RPS6KC1: variants seen among roughly 807,000 people sequenced by gnomAD.
The protein encoded by RPS6KC1 is inactive ribosomal protein S6 kinase delta-1.
RPS6KC1 carries 54 observed loss-of-function variants against 103.8 expected under a neutral mutation model. The ratio of observed to expected loss-of-function variants is 0.52; its 90% CI spans 0.42 to 0.65. RPS6KC1 has a LOEUF of 0.65. Ranked by LOEUF, RPS6KC1 falls within the 30% of genes least tolerant of loss-of-function variation. RPS6KC1 has a pLI of 0.00. For synonymous variants in RPS6KC1, 439 were observed against 438.7 expected (o/e 1.00, Z -0.01); for missense variants, 1,151 against 1,253.8 (o/e 0.92, Z 1.24).
Position 213,240,900 on chromosome 1 carries a change from G to C in RPS6KC1, c.1424G>C (p.Ser475Thr), listed in dbSNP as rs183778510. 1.4e-4 allele frequency: 219 copies of C among 1,613,874 alleles called. No homozygotes were observed. Among genetic ancestry groups the C allele is most frequent in the Non-Finnish European group, 1.6e-4 (186 of 1,179,874 alleles). ...CTTAAAGCTCTGCCTTTGAAGAGTA[G>C]TCTTACTCCAAGTTCTCAAGATGAC... ...SMLKALPLKS[S>T]LTPSSQDDSN... Residue 475 changes from serine to threonine, a missense_variant, in exon 11 of 15, where the codon AGT becomes ACT. By Grantham distance (58) the Ser-to-Thr change is moderately conservative. Around this residue, in one of 3 missense-constraint regions of RPS6KC1, gnomAD observed 959 missense variants for 1,006.3 expected, o/e 0.95. Coordinates refer to ENST00000366960, the MANE Select transcript of RPS6KC1 (RefSeq NM_012424.6).
At chr1:213,834,947 G>A in the RPS6KC1 span, among the ~76,000 whole-genome samples, 6 of 152,140 alleles carry the variant, frequency 3.9e-5, no homozygotes, top group East Asian at 9.6e-4. Flanking sequence ...GTATGTGCTG[G>A]GAGGTGGGGG....
Position 213,220,227 on chromosome 1 carries a change from C to A in RPS6KC1, c.1045-10270C>A, listed in dbSNP as rs377022772. On this transcript the variant is annotated intron_variant, in intron 8 of 14. Transcript: ENST00000366960. ...TATGGTACATTAATGTTTAATAATG[C>A]CCTATCTTTAAATTAGTTTATAACT... 8.6e-5 allele frequency among the ~76,000 whole-genome samples: 13 copies of A among 152,038 alleles called. No individual in the cohort carries two copies. The East Asian group carries it at 1.9e-3, about 23-fold the overall frequency.
chr1:213,225,509 C>T (rs2093939326), intron 8 of RPS6KC1, among the ~76,000 whole-genome samples: 1 of 152,136 alleles, frequency 6.6e-6, no homozygotes, highest in Non-Finnish European at 1.5e-5. Flanking sequence ...ATGCCTCACC[C>T]TCCCGAGTAG....
At chr1:213,174,741 T>C (rs1384938758) in intron 7 of RPS6KC1, among the ~76,000 whole-genome samples, 1 of 151,402 alleles carries the variant, frequency 6.6e-6, no homozygotes, top group Non-Finnish European at 1.5e-5. Context: ...CACTAAAATA[T>C]CTTGCTAAAT....
chr1:213,108,941 C>A, intron 4 of RPS6KC1, among the ~76,000 whole-genome samples: 1 of 151,422 alleles, frequency 6.6e-6, no homozygotes, highest in Non-Finnish European at 1.5e-5. Context: ...TGAGTCACCA[C>A]ACCTGGCTGA....
At chr1:213,208,182 T>C (rs2093408908) in intron 8 of RPS6KC1, among the ~76,000 whole-genome samples, 1 of 152,226 alleles carries the variant, frequency 6.6e-6, no homozygotes, top group Non-Finnish European at 1.5e-5. Flanking sequence ...ACACCTCAAA[T>C]AATCCATCAG....
At chr1:213,795,304 G>C in the RPS6KC1 span, among the ~76,000 whole-genome samples, 1 of 152,166 alleles carries the variant, frequency 6.6e-6, no homozygotes, top group Non-Finnish European at 1.5e-5. Context: ...TAGGGCTGTG[G>C]AATTCTTCTG....
chr1:213,624,769 G>C, the RPS6KC1 span, among the ~76,000 whole-genome samples: 2 of 152,080 alleles, frequency 1.3e-5, no homozygotes, highest in African/African-American at 4.8e-5. Flanking sequence ...GGTGGAAGGG[G>C]CGAAGGAGCT....
the RPS6KC1 span, among the ~76,000 whole-genome samples, chr1:213,786,742 A>G: frequency 6.6e-6 from 1 of 152,200 alleles, no homozygotes; most frequent in East Asian, 1.9e-4. Context: ...GCGGGATTTT[A>G]GGAAAGAATA....
intron 6 of RPS6KC1, among the ~76,000 whole-genome samples, chr1:213,155,749 T>C (rs2089815551): frequency 6.6e-6 from 1 of 152,188 alleles, no homozygotes; most frequent in African/African-American, 2.4e-5. Flanking sequence ...TTTTTGGTTC[T>C]TATGAAGGTG....
the RPS6KC1 span, among the ~76,000 whole-genome samples, chr1:213,836,274 C>T: frequency 6.6e-6 from 1 of 151,768 alleles, no homozygotes. Flanking sequence ...TGTCAATTCT[C>T]CCCAAATTAT....
chr1:213,808,570 AG>A, the RPS6KC1 span, among the ~76,000 whole-genome samples: 4 of 152,262 alleles, frequency 2.6e-5, no homozygotes, highest in Non-Finnish European at 4.4e-5. Context: ...CCGTGGGCGT[AG>A]GACCCTCCGA....
At chr1:213,484,415 G>C in the RPS6KC1 span, among the ~76,000 whole-genome samples, 1 of 152,298 alleles carries the variant, frequency 6.6e-6, no homozygotes, top group Non-Finnish European at 1.5e-5. Flanking sequence ...CTGTGTCCAG[G>C]CTCGTTTATG....
At chr1:213,388,038 G>C in the RPS6KC1 span, among the ~76,000 whole-genome samples, 1 of 152,242 alleles carries the variant, frequency 6.6e-6, no homozygotes, top group African/African-American at 2.4e-5. Flanking sequence ...TTTAATCTCA[G>C]GCTGAGTTGT....
chr1:213,525,338 A>G, the RPS6KC1 span, among the ~76,000 whole-genome samples: 1 of 152,204 alleles, frequency 6.6e-6, no homozygotes, highest in African/African-American at 2.4e-5. Flanking sequence ...AGGCTTAGCA[A>G]TCAGAAGGAT....
chr1:213,207,444 T>C (rs573728456), intron 8 of RPS6KC1, among the ~76,000 whole-genome samples: 1 of 152,330 alleles, frequency 6.6e-6, no homozygotes, highest in South Asian at 2.1e-4. Context: ...GGCTGCTACC[T>C]GAGAGATTTC....
chr1:213,569,039 C>T, the RPS6KC1 span, among the ~76,000 whole-genome samples: 1 of 152,188 alleles, frequency 6.6e-6, no homozygotes, highest in Non-Finnish European at 1.5e-5. Context: ...ACTCCCTTCC[C>T]CCCTCCCCAG....
At chr1:213,238,130 C>T (rs1188453035) in intron 10 of RPS6KC1, among the ~76,000 whole-genome samples, 2 of 151,800 alleles carry the variant, frequency 1.3e-5, no homozygotes, top group Non-Finnish European at 2.9e-5. Flanking sequence ...ATAATAAAAG[C>T]ATAAAAGTAA....
chr1:213,786,498 T>A, the RPS6KC1 span, among the ~76,000 whole-genome samples: 1 of 152,194 alleles, frequency 6.6e-6, no homozygotes, highest in Non-Finnish European at 1.5e-5. Context: ...ATCTCGTGTG[T>A]AGCCACATAC....
Sources: gnomAD v4.1 joint callset for allele counts (sites outside exome capture counted in the v4.1 genomes callset) on GRCh38, gnomAD v4.1.1 for gene constraint, gnomAD v4.1.1 regional missense constraint, MANE v1.5 for transcripts, NCBI Gene and HGNC (gene_info 2026-07-23, HGNC 2026-07-21) for gene names.